Variants in DIS3L2 observed in about 807,000 individuals in gnomAD.
DIS3L2 encodes the protein DIS3-like exonuclease 2.
In DIS3L2, 34 loss-of-function variants were observed where a neutral mutation model predicts 97.5. That is an observed-to-expected ratio of 0.35 (90% CI 0.27 to 0.46). DIS3L2 has a LOEUF of 0.46. DIS3L2 is among the 20% of genes least tolerant of loss of function. The pLI is 1.00. For missense variants in DIS3L2, 1,038 were observed against 1,146.0 expected, an observed-to-expected ratio of 0.91 and a Z score of 1.36; for synonymous variants, 435 against 445.2, an observed-to-expected ratio of 0.98 and a Z score of 0.29.
chr2:231,967,787 A>G (rs946980640), intron 1 of DIS3L2, among the ~76,000 whole-genome samples: 1 of 152,194 alleles, frequency 6.6e-6, no homozygotes, highest in Admixed American at 6.5e-5. Context: ...AAGTTTTATG[A>G]CTGAAATATG....
intron 6 of DIS3L2, among the ~76,000 whole-genome samples, chr2:232,099,325 C>T (rs1320941245): frequency 6.6e-6 from 1 of 151,848 alleles, no homozygotes; most frequent in African/African-American, 2.4e-5. Context: ...AAGTGATTCT[C>T]CTGCCTCAGC....
rs866860404 is a variant in DIS3L2 at position 232,081,328 on chromosome 2, C to A, written c.367-6159C>A. ...GGTCCACCCATTATAAAACATCCAT[C>A]CATTATTATTACCTCTCTGGTCCAC... On this transcript the variant is annotated intron_variant, in intron 5 of 20. Transcript: ENST00000325385. Among the ~76,000 whole-genome samples, 60 of 152,158 alleles carry A rather than the reference C, an allele frequency of 3.9e-4. 1 individual carries two copies. The highest frequency in any genetic ancestry group is 3.4e-3 in the Middle Eastern group (1 of 292).
intron 9 of DIS3L2, among the ~76,000 whole-genome samples, chr2:232,171,959 A>T (rs993132045): frequency 3.9e-5 from 6 of 152,212 alleles, no homozygotes; most frequent in Admixed American, 1.3e-4. Flanking sequence ...TTCCCTAGAA[A>T]TATTTTTATA....
At chr2:232,211,923 C>A (rs1040498293) in intron 10 of DIS3L2, among the ~76,000 whole-genome samples, 20 of 152,204 alleles carry the variant, frequency 1.3e-4, no homozygotes, top group Middle Eastern at 6.8e-3. Context: ...TGCAGTGGCT[C>A]ATTGCAGCCT....
Position 232,261,072 on chromosome 2 carries a change from T to C in DIS3L2, c.1426-2135T>C, listed in dbSNP as rs369989066. ...ACTTCCACGCATTTATCCAGAGCTT[T>C]TCCATTCTCCTCAGGCCCTCAAACT... On this transcript the variant is annotated intron_variant, in intron 12 of 20. Transcript: ENST00000325385. Among the ~76,000 whole-genome samples the C allele has an allele frequency of 6.6e-5, 10 of 152,190 alleles. No homozygotes were observed. In the East Asian group the frequency reaches 1.3e-3, roughly 21 times the overall value.
chr2:232,048,873 T>C (rs898676821), intron 5 of DIS3L2, among the ~76,000 whole-genome samples: 2 of 152,250 alleles, frequency 1.3e-5, no homozygotes, highest in Non-Finnish European at 2.9e-5. Context: ...GTAAATACTA[T>C]TGTCCTATCA....
intron 13 of DIS3L2, among the ~76,000 whole-genome samples, chr2:232,342,885 G>A (rs114842143): frequency 0.011 from 1,723 of 152,226 alleles, 33 homozygotes; most frequent in African/African-American, 0.038. Flanking sequence ...CTGCACGGTC[G>A]ATGGGTCTTT....
chr2:232,302,520 C>T (rs772754009), intron 14 of DIS3L2, among the ~76,000 whole-genome samples: 13 of 151,376 alleles, frequency 8.6e-5, no homozygotes, highest in Non-Finnish European at 1.6e-4. Flanking sequence ...TTCCTAACCT[C>T]TCTGAGCCTC....
At chr2:232,115,156 C>T (rs997257326) in intron 6 of DIS3L2, among the ~76,000 whole-genome samples, 1 of 152,094 alleles carries the variant, frequency 6.6e-6, no homozygotes, top group Non-Finnish European at 1.5e-5. Flanking sequence ...AGTACTGCCA[C>T]ATTGGGAATT....
rs1694152198 is a variant in DIS3L2 at position 232,276,741 on chromosome 2, ACTT to A, written c.1659+13302_1659+13304del. ...CCTGGGTTCTGATCCCGACTCCCTC[ACTT>A]AGCTGTGTGACTCTAACTCTTCTGT... On this transcript the variant is annotated intron_variant, in intron 13 of 20. Coordinates refer to ENST00000325385, the MANE Select transcript of DIS3L2 (RefSeq NM_152383.5). This position sits in a 1 kb window ranked among gnomAD's most constrained non-coding sequence, Gnocchi z 4.4. Among the ~76,000 whole-genome samples the A allele has an allele frequency of 1.3e-5, 2 of 152,196 alleles. No individual in the cohort carries two copies. The highest frequency in any genetic ancestry group is 1.3e-4 in the Admixed American group (2 of 15,280).
intron 13 of DIS3L2, among the ~76,000 whole-genome samples, chr2:232,273,093 C>G (rs777724038): frequency 7.2e-5 from 11 of 152,158 alleles, no homozygotes; most frequent in Non-Finnish European, 1.6e-4. Context: ...CCTTTTGAAG[C>G]TGAAGATTGA....
At chr2:232,297,594 A>AGC (rs1188154799) in intron 13 of DIS3L2, among the ~76,000 whole-genome samples, 1 of 152,212 alleles carries the variant, frequency 6.6e-6, no homozygotes, top group Non-Finnish European at 1.5e-5. Context: ...CTTCTGTCAA[A>AGC]GCAGTGTATG....
intron 6 of DIS3L2, among the ~76,000 whole-genome samples, chr2:232,129,326 G>A (rs1032955077): frequency 4.6e-5 from 7 of 152,062 alleles, no homozygotes; most frequent in Non-Finnish European, 8.8e-5. Context: ...ACATTGGTGA[G>A]GTATGTTATG....
intron 8 of DIS3L2, among the ~76,000 whole-genome samples, chr2:232,157,247 A>G (rs1353720550): frequency 6.6e-6 from 1 of 152,176 alleles, no homozygotes; most frequent in Non-Finnish European, 1.5e-5. Context: ...TGTAGGCAAA[A>G]CTAAATATTT....
chr2:232,014,350 A>G (rs1440819421), intron 1 of DIS3L2, among the ~76,000 whole-genome samples: 1 of 152,152 alleles, frequency 6.6e-6, no homozygotes, highest in Non-Finnish European at 1.5e-5. Flanking sequence ...TGTGACAATG[A>G]ATTAGGTTTT....
chr2:232,006,423 T>C (rs1306848001), intron 1 of DIS3L2, among the ~76,000 whole-genome samples: 2 of 152,112 alleles, frequency 1.3e-5, no homozygotes, highest in Non-Finnish European at 2.9e-5. Flanking sequence ...AATTTGGTAA[T>C]AGAGTACTAA....
At chr2:232,027,758 C>T (rs968841637) in intron 4 of DIS3L2, among the ~76,000 whole-genome samples, 29 of 152,134 alleles carry the variant, frequency 1.9e-4, no homozygotes, top group Non-Finnish European at 3.5e-4. Flanking sequence ...CATGACACAT[C>T]TAAACTATAC....
intron 14 of DIS3L2, among the ~76,000 whole-genome samples, chr2:232,313,160 G>C (rs1346718174): frequency 6.6e-6 from 1 of 151,938 alleles, no homozygotes; most frequent in Non-Finnish European, 1.5e-5. Flanking sequence ...TTTATGTCTT[G>C]TTCCTGATCT....
At chr2:232,019,530 C>G (rs1303209174) in intron 3 of DIS3L2, among the ~76,000 whole-genome samples, 2 of 147,950 alleles carry the variant, frequency 1.4e-5, no homozygotes, top group Admixed American at 6.7e-5. Flanking sequence ...CCAGCCTGGG[C>G]AACAGAGTGA....
Sources: allele counts gnomAD v4.1 joint callset (sites outside exome capture counted in the v4.1 genomes callset), GRCh38; gene constraint gnomAD v4.1.1; non-coding constraint Gnocchi (gnomAD v3.1); transcripts MANE v1.5; gene names NCBI Gene and HGNC (gene_info 2026-07-23, HGNC 2026-07-21).